FAF1: variants seen among roughly 807,000 people sequenced by gnomAD.
FAF1 encodes the protein FAS-associated factor 1.
Under a neutral mutation model 92.5 loss-of-function variants are expected in FAF1, and 25 were observed. That is an observed-to-expected ratio of 0.27 (90% CI 0.20 to 0.38). The LOEUF (loss-of-function observed/expected upper bound fraction) is 0.38. FAF1 is among the 10% of genes least tolerant of loss of function. FAF1 has a pLI of 1.00. For missense variants in FAF1, 636 were observed against 793.3 expected (o/e 0.80, Z 2.38); for synonymous variants, 234 against 273.2 (o/e 0.86, Z 1.42).
intron 2 of FAF1, among the ~76,000 whole-genome samples, chr1:50,856,829 G>GT (rs1319932542): frequency 6.6e-6 from 1 of 151,656 alleles, no homozygotes; most frequent in Non-Finnish European, 1.5e-5. Context: ...GGACTAGTTG[G>GT]TTAATTATGT....
intron 7 of FAF1, among the ~76,000 whole-genome samples, chr1:50,689,665 T>C (rs1471329362): frequency 3.9e-5 from 6 of 152,210 alleles, no homozygotes; most frequent in African/African-American, 1.4e-4. Context: ...GCATTATTCA[T>C]AACAGCCAAA....
At chr1:50,766,139 A>G (rs1024750552) in intron 4 of FAF1, among the ~76,000 whole-genome samples, 5 of 152,192 alleles carry the variant, frequency 3.3e-5, no homozygotes, top group African/African-American at 1.2e-4. Context: ...AGTAGAAACA[A>G]TAAAAAACTC....
intron 1 of FAF1, among the ~76,000 whole-genome samples, chr1:50,876,477 C>T (rs1187286519): frequency 1.3e-5 from 2 of 152,126 alleles, no homozygotes; most frequent in Admixed American, 6.5e-5. Context: ...ATGTAAACAC[C>T]ACACATACAT....
At chr1:50,605,670 G>A (rs1652344069) in intron 8 of FAF1, among the ~76,000 whole-genome samples, 1 of 151,902 alleles carries the variant, frequency 6.6e-6, no homozygotes, top group Non-Finnish European at 1.5e-5. Context: ...TTGCTTATGA[G>A]CACCCTCTGG....
At chr1:50,899,029 CT>C (rs948617565) in intron 1 of FAF1, among the ~76,000 whole-genome samples, 1 of 151,986 alleles carries the variant, frequency 6.6e-6, no homozygotes, top group Non-Finnish European at 1.5e-5. Flanking sequence ...CACTGCTCCT[CT>C]TTTTTTTCCA....
intron 2 of FAF1, among the ~76,000 whole-genome samples, chr1:50,833,936 T>A (rs1570024462): frequency 6.6e-6 from 1 of 152,360 alleles, no homozygotes; most frequent in South Asian, 2.1e-4. Context: ...TTAACTGGTC[T>A]CTCTGCATTC....
chr1:50,827,064 C>T (rs186779756), intron 2 of FAF1, among the ~76,000 whole-genome samples: 1,965 of 151,880 alleles, frequency 0.013, 41 homozygotes, highest in African/African-American at 0.043. Context: ...CCAGCCACCC[C>T]GTCTGGGAGG....
chr1:50,860,961 C>T (rs1644427373), intron 1 of FAF1, among the ~76,000 whole-genome samples: 1 of 151,856 alleles, frequency 6.6e-6, no homozygotes, highest in Non-Finnish European at 1.5e-5. Context: ...AGCCATAATC[C>T]TAAGCGAATT....
intron 1 of FAF1, among the ~76,000 whole-genome samples, chr1:50,885,491 A>G (rs1326461809): frequency 6.6e-6 from 1 of 152,054 alleles, no homozygotes; most frequent in African/African-American, 2.4e-5. Context: ...TGTCTGATAT[A>G]ACTATAGTTA....
intron 15 of FAF1, among the ~76,000 whole-genome samples, chr1:50,499,786 G>A (rs543704299): frequency 1.3e-5 from 2 of 152,154 alleles, no homozygotes; most frequent in East Asian, 1.9e-4. Flanking sequence ...CAGTGGGAGT[G>A]GAGAAAGAAC....
intron 8 of FAF1, among the ~76,000 whole-genome samples, chr1:50,621,746 C>T (rs2124178274): frequency 6.6e-6 from 1 of 152,178 alleles, no homozygotes; most frequent in Non-Finnish European, 1.5e-5. Flanking sequence ...GCCAGCACCT[C>T]CTAGAGGAAG....
intron 7 of FAF1, among the ~76,000 whole-genome samples, chr1:50,693,275 T>G (rs1239192430): frequency 6.6e-6 from 1 of 152,166 alleles, no homozygotes; most frequent in South Asian, 2.1e-4. Flanking sequence ...TTCTTGTGCA[T>G]GTAGATATCT....
At chr1:50,765,683 T>C (rs1184780919) in intron 4 of FAF1, among the ~76,000 whole-genome samples, 1 of 152,220 alleles carries the variant, frequency 6.6e-6, no homozygotes, top group Non-Finnish European at 1.5e-5. Flanking sequence ...AGGCCCTCTA[T>C]GGGCTTCTGG....
intron 3 of FAF1, among the ~76,000 whole-genome samples, chr1:50,800,365 G>T (rs1477931107): frequency 6.6e-6 from 1 of 152,216 alleles, no homozygotes; most frequent in African/African-American, 2.4e-5. Flanking sequence ...AATAAAACTG[G>T]AGTGATATTT....
intron 1 of FAF1, among the ~76,000 whole-genome samples, chr1:50,872,079 A>AG (rs890449916): frequency 2.6e-5 from 4 of 151,868 alleles, no homozygotes; most frequent in African/African-American, 4.8e-5. Context: ...AAAAAAAAAA[A>AG]AAAGAAAAAG....
intron 13 of FAF1, among the ~76,000 whole-genome samples, 200 bp downstream of exon 13, chr1:50,566,877 A>T (rs1650196376): frequency 6.6e-6 from 1 of 152,134 alleles, no homozygotes; most frequent in African/African-American, 2.4e-5. Context: ...TCTTGAATTT[A>T]AAAAGTTTTT....
At chr1:50,778,905 T>C (rs765244362) in intron 4 of FAF1, among the ~76,000 whole-genome samples, 1 of 152,084 alleles carries the variant, frequency 6.6e-6, no homozygotes, top group Non-Finnish European at 1.5e-5. Context: ...ATGAAAAGTT[T>C]TGCTGTAACA....
At chr1:50,538,553 C>CAA (rs34003582) in intron 14 of FAF1, among the ~76,000 whole-genome samples, 1,093 of 78,046 alleles carry the variant, frequency 0.014, 16 homozygotes, top group African/African-American at 0.041. Flanking sequence ...GTAAAAAAGG[C>CAA]AAAAAAAAAA....
Position 50,658,199 on chromosome 1 carries a change from T to C in FAF1, c.658-2671A>G, listed in dbSNP as rs561517188. On this transcript the variant is annotated intron_variant, in intron 7 of 18. Transcript: ENST00000396153. Reference sequence around the variant, plus strand: ...AGACAAAATAATTTCTTAAAACTATTTCTTAAAATAATTAAGAAATTATTA... The same window carrying C: ...AGACAAAATAATTTCTTAAAACTATCTCTTAAAATAATTAAGAAATTATTA... Among the ~76,000 whole-genome samples the C allele has an allele frequency of 1.8e-4, 28 of 152,272 alleles. No homozygotes were observed. In the South Asian group the frequency reaches 5.6e-3, roughly 30 times the overall value.
Sources: gnomAD v4.1 joint callset for allele counts (sites outside exome capture counted in the v4.1 genomes callset) on GRCh38, gnomAD v4.1.1 for gene constraint, MANE v1.5 for transcripts, NCBI Gene and HGNC (gene_info 2026-07-23, HGNC 2026-07-21) for gene names.